Variants in CRACD observed in about 807,000 individuals in gnomAD.
CRACD encodes the protein capping protein inhibiting regulator of actin dynamics.
Under a neutral mutation model 106.8 loss-of-function variants are expected in CRACD, and 56 were observed. The ratio of observed to expected loss-of-function variants is 0.52; its 90% CI spans 0.42 to 0.66. CRACD has a LOEUF of 0.66. Ranked by LOEUF, CRACD falls within the 30% of genes least tolerant of loss-of-function variation. The pLI, the probability that CRACD is intolerant of heterozygous loss-of-function variation, is 0.00. For synonymous variants in CRACD, 754 were observed against 670.8 expected, an observed-to-expected ratio of 1.12 and a Z score of -1.92; for missense variants, 1,730 against 1,623.2, an observed-to-expected ratio of 1.07 and a Z score of -1.13.
intron 3 of CRACD, 90 bp from the exon 4 acceptor site, chr4:56,298,124 G>A: frequency 1.3e-5 from 18 of 1,374,010 alleles, no homozygotes; most frequent in Non-Finnish European, 1.8e-5. Flanking sequence ...GGGAATGTGG[G>A]TGGAGTCCCT....
intron 1 of CRACD, among the ~76,000 whole-genome samples, chr4:56,149,210 A>G (rs550702620): frequency 6.6e-6 from 1 of 152,232 alleles, no homozygotes; most frequent in East Asian, 1.9e-4. Context: ...TCTTTTCTCT[A>G]GCACCACTAC....
At chr4:56,280,467 G>C (rs1436697388) in intron 3 of CRACD, among the ~76,000 whole-genome samples, 2 of 152,106 alleles carry the variant, frequency 1.3e-5, no homozygotes, top group Non-Finnish European at 2.9e-5. Flanking sequence ...AGGAGAGCAA[G>C]CTTTCTTTGA....
intron 1 of CRACD, among the ~76,000 whole-genome samples, chr4:56,135,198 T>C (rs1185492550): frequency 1.3e-5 from 2 of 152,126 alleles, no homozygotes; most frequent in African/African-American, 4.8e-5. Context: ...AGGCAGAGAA[T>C]TGCTTAAACC....
intron 2 of CRACD, among the ~76,000 whole-genome samples, chr4:56,222,816 C>T (rs925920934): frequency 1.3e-5 from 2 of 151,322 alleles, no homozygotes; most frequent in African/African-American, 2.4e-5. Context: ...AAAAAAGCAC[C>T]GCAAAAATTA....
At position 56,267,685 on chromosome 4, in the gene CRACD, C is replaced by T. The variant is rs139179763; in HGVS notation, c.-188-4636C>T. ...CCAGTTAGGTTTTACTGTTCTTTCACCGTCCTGATAATAACTAAGGCATTG... is the reference window on the plus strand; with the variant it reads ...CCAGTTAGGTTTTACTGTTCTTTCATCGTCCTGATAATAACTAAGGCATTG... On this transcript the variant is annotated intron_variant, in intron 2 of 10. Transcript: ENST00000682029. Among the ~76,000 whole-genome samples the T allele has an allele frequency of 8.3e-4, 126 of 152,262 alleles. 1 individual carries two copies. The highest frequency in any genetic ancestry group is 3.0e-3 in the African/African-American group (123 of 41,554).
intron 2 of CRACD, among the ~76,000 whole-genome samples, chr4:56,203,516 T>C (rs1737982369): frequency 6.6e-6 from 1 of 152,166 alleles, no homozygotes; most frequent in South Asian, 2.1e-4. Flanking sequence ...GGCAGTAGCT[T>C]CTTGAGGTTC....
intron 1 of CRACD, among the ~76,000 whole-genome samples, chr4:56,148,954 T>A (rs2109887614): frequency 6.6e-6 from 1 of 152,134 alleles, no homozygotes; most frequent in South Asian, 2.1e-4. Flanking sequence ...TAGCTGGGAT[T>A]ACAGGCGCCT....
At chr4:56,274,631 C>G (rs1742567872) in intron 3 of CRACD, among the ~76,000 whole-genome samples, 2 of 152,164 alleles carry the variant, frequency 1.3e-5, no homozygotes, top group South Asian at 4.1e-4. Context: ...GTTATTGACT[C>G]TTGTCCACAA....
At chr4:56,140,680 C>A (rs1374350043) in intron 1 of CRACD, among the ~76,000 whole-genome samples, 1 of 152,188 alleles carries the variant, frequency 6.6e-6, no homozygotes, top group Non-Finnish European at 1.5e-5. Flanking sequence ...CAATCCTGAA[C>A]AGCGTTGTCA....
chr4:56,200,980 A>G (rs1196322351), intron 2 of CRACD, among the ~76,000 whole-genome samples: 1 of 152,244 alleles, frequency 6.6e-6, no homozygotes, highest in Non-Finnish European at 1.5e-5. Context: ...TCATTGAGGA[A>G]GTTTAAAGAG....
chr4:56,180,535 G>A lies in CRACD; in HGVS notation c.-189+1105G>A, dbSNP rs746514630. Among the ~76,000 whole-genome samples, 145 of 147,754 alleles carry A rather than the reference G, an allele frequency of 9.8e-4. No individual in the cohort carries two copies. In the Middle Eastern group the frequency reaches 0.011, roughly 11 times the overall value. ...AAATAAATAAATAAATAAATAAATAGATAGATAGCATCATATCATTATTTT... is the reference window on the plus strand; with the variant it reads ...AAATAAATAAATAAATAAATAAATAAATAGATAGCATCATATCATTATTTT... On this transcript the variant is annotated intron_variant, in intron 2 of 10. Coordinates refer to ENST00000682029, the MANE Select transcript of CRACD (RefSeq NM_001393381.1).
intron 1 of CRACD, among the ~76,000 whole-genome samples, chr4:56,139,208 A>T (rs1003918534): frequency 4.6e-5 from 7 of 152,184 alleles, no homozygotes; most frequent in African/African-American, 1.7e-4. Context: ...TTTAATAATC[A>T]TTATATGTCA....
chr4:56,285,748 C>T (rs1441379477), intron 3 of CRACD, among the ~76,000 whole-genome samples: 1 of 152,152 alleles, frequency 6.6e-6, no homozygotes, highest in Non-Finnish European at 1.5e-5. Context: ...TTACACCATT[C>T]TTAGTGTTTT....
At chr4:56,054,410 A>G (rs540263489) in intron 1 of CRACD, among the ~76,000 whole-genome samples, 1 of 152,284 alleles carries the variant, frequency 6.6e-6, no homozygotes, top group South Asian at 2.1e-4. Flanking sequence ...TCTTGGGCTC[A>G]AGTGATCTAC....
At chr4:56,189,522 A>G (rs1163168067) in intron 2 of CRACD, among the ~76,000 whole-genome samples, 3 of 145,600 alleles carry the variant, frequency 2.1e-5, no homozygotes, top group African/African-American at 5.0e-5. Flanking sequence ...AGCATTAGGT[A>G]TATCTCCTAA....
In CRACD at chr4:56,328,614, T is replaced by C. The variant is rs1044614153; in HGVS notation, c.*810T>C. 4 of 330,106 alleles carry C rather than the reference T, an allele frequency of 1.2e-5. No individual in the cohort carries two copies. The highest frequency in any genetic ancestry group is 1.8e-5 in the Non-Finnish European group (3 of 168,498). The allele number at this position is 330,106 out of a possible 1,614,324, so 20.4% of individuals were successfully genotyped here. On this transcript the variant is annotated 3_prime_UTR_variant, in exon 11 of 11. Coordinates refer to ENST00000682029, the MANE Select transcript of CRACD (RefSeq NM_001393381.1). Reference sequence around the variant, plus strand: ...TCTCCATCTAGGGCAGTAGTTCTTATGATGTGTAGGCTCCCTCCTAGGGCC... The same window carrying C: ...TCTCCATCTAGGGCAGTAGTTCTTACGATGTGTAGGCTCCCTCCTAGGGCC...
At chr4:56,101,124 T>C (rs1733762465) in intron 1 of CRACD, among the ~76,000 whole-genome samples, 1 of 110,882 alleles carries the variant, frequency 9.0e-6, no homozygotes, top group African/African-American at 3.3e-5. Context: ...TAGAGAAGCC[T>C]CTTGCTTTCT....
chr4:56,210,321 T>G (rs1216032300), intron 2 of CRACD, among the ~76,000 whole-genome samples: 1 of 152,246 alleles, frequency 6.6e-6, no homozygotes. Context: ...GATCCATTCC[T>G]GTTTTAGCAA....
At chr4:56,140,892 T>C (rs1218802153) in intron 1 of CRACD, among the ~76,000 whole-genome samples, 1 of 152,230 alleles carries the variant, frequency 6.6e-6, no homozygotes, top group East Asian at 1.9e-4. Context: ...CTCTTGGCTT[T>C]CTCCATGCCT....
Sources: gnomAD v4.1 joint callset for allele counts (sites outside exome capture counted in the v4.1 genomes callset) on GRCh38, gnomAD v4.1.1 for gene constraint, MANE v1.5 for transcripts, NCBI Gene and HGNC (gene_info 2026-07-23, HGNC 2026-07-21) for gene names.